The following GGNBP2 variants were observed in gnomAD, a reference collection of about 807,000 sequenced individuals.
The protein encoded by GGNBP2 is gametogenetin-binding protein 2.
In GGNBP2, 10 loss-of-function variants were observed where a neutral mutation model predicts 85.9. That is an observed-to-expected ratio of 0.12 (90% CI 0.07 to 0.20). The LOEUF (loss-of-function observed/expected upper bound fraction) is 0.20. GGNBP2 is among the 10% of genes least tolerant of loss of function. The pLI, the probability that GGNBP2 is intolerant of heterozygous loss-of-function variation, is 1.00. For synonymous variants in GGNBP2, 287 were observed against 285.7 expected (o/e 1.00, Z -0.05); for missense variants, 595 against 857.8 (o/e 0.69, Z 3.83).
chr17:36,582,388 TAAATA>T (rs1210546695), intron 9 of GGNBP2: 9 of 152,168 alleles, frequency 5.9e-5, no homozygotes, highest in Admixed American at 5.9e-4. Flanking sequence ...TCTCTCAAAA[TAAATA>T]AAAACTGTTT....
At chr17:36,572,418 A>G (rs745875487) in intron 6 of GGNBP2, among the ~76,000 whole-genome samples, 6 of 152,156 alleles carry the variant, frequency 3.9e-5, no homozygotes, top group Non-Finnish European at 5.9e-5. Flanking sequence ...AAATAAGGCT[A>G]AGCACAGTGT....
At chr17:36,560,514 T>C (rs2074406973) in intron 4 of GGNBP2, among the ~76,000 whole-genome samples, 1 of 152,144 alleles carries the variant, frequency 6.6e-6, no homozygotes, top group African/African-American at 2.4e-5. Flanking sequence ...GCCTCCCAAA[T>C]AGCCGGGACT....
chr17:36,572,378 G>A (rs1351236738), intron 6 of GGNBP2, among the ~76,000 whole-genome samples: 1 of 151,960 alleles, frequency 6.6e-6, no homozygotes, highest in Admixed American at 6.6e-5. Context: ...CTGTTCCTGC[G>A]CGCGTATGTG....
intron 2 of GGNBP2, among the ~76,000 whole-genome samples, chr17:36,550,655 TAA>T (rs2074300077): frequency 6.6e-6 from 1 of 152,198 alleles, no homozygotes; most frequent in Non-Finnish European, 1.5e-5. Context: ...AACAGATACT[TAA>T]GAGTGAAAGT....
chr17:36,548,650 A>AAAAAAAAAAAAAT, intron 2 of GGNBP2, among the ~76,000 whole-genome samples: 1 of 126,888 alleles, frequency 7.9e-6, no homozygotes, highest in Non-Finnish European at 1.6e-5. Flanking sequence ...AAAAAAAAAA[A>AAAAAAAAAAAAAT]AAGTAGCCTT....
chr17:36,585,462 A>G lies in GGNBP2; in HGVS notation c.1366+12A>G. On this transcript the variant is annotated intron_variant, in intron 10 of 13. Coordinates refer to ENST00000613102, the MANE Select transcript of GGNBP2 (RefSeq NM_024835.5). ...TAAAATAAAGAAAGGTAAGTAAATA[A>G]TTTCTTTTTAAAATGAACTCTTAAC... 2 of 1,557,702 alleles carry G rather than the reference A, an allele frequency of 1.3e-6. No homozygotes were observed. The highest frequency in any genetic ancestry group is 1.8e-6 in the Non-Finnish European group (2 of 1,142,564).
chr17:36,567,963 G>T (rs1305809570), intron 6 of GGNBP2, among the ~76,000 whole-genome samples, 187 bp downstream of exon 6: 1 of 149,776 alleles, frequency 6.7e-6, no homozygotes, highest in East Asian at 2.0e-4. Context: ...GTCTAGCTCT[G>T]TCGCCAGGCT....
intron 8 of GGNBP2, 98 bp downstream of exon 8, chr17:36,579,517 C>A: frequency 9.9e-7 from 1 of 1,013,148 alleles, no homozygotes; most frequent in Non-Finnish European, 1.5e-6. Context: ...GACTGTCCAT[C>A]ACTGATAGAG....
intron 6 of GGNBP2, among the ~76,000 whole-genome samples, chr17:36,573,144 G>A (rs1555607121): frequency 2.0e-5 from 3 of 151,670 alleles, no homozygotes; most frequent in Non-Finnish European, 1.5e-5. Context: ...AGACAGTCTC[G>A]CTCTGTTGCC....
At chr17:36,575,274 T>A in intron 6 of GGNBP2, 2 of 572,976 alleles carry the variant, frequency 3.5e-6, no homozygotes, top group Non-Finnish European at 6.4e-6. Context: ...CCACTGCATT[T>A]CCCCATCCCA....
chr17:36,558,609 C>T (rs1361669970), intron 4 of GGNBP2, among the ~76,000 whole-genome samples: 3 of 151,304 alleles, frequency 2.0e-5, no homozygotes, highest in Non-Finnish European at 4.4e-5. Flanking sequence ...GTGCCCACTA[C>T]CACGCTTGAC....
intron 6 of GGNBP2, among the ~76,000 whole-genome samples, chr17:36,575,530 CT>C (rs1434415325): frequency 6.8e-6 from 1 of 146,554 alleles, no homozygotes; most frequent in Non-Finnish European, 1.5e-5. Flanking sequence ...ATATTTAAAA[CT>C]TTAGTGAAAT....
chr17:36,588,419 G>A (rs1451321282), intron 13 of GGNBP2, among the ~76,000 whole-genome samples: 1 of 151,966 alleles, frequency 6.6e-6, no homozygotes, highest in Non-Finnish European at 1.5e-5. Context: ...CACCATGCCT[G>A]GCTAATTTTG....
intron 6 of GGNBP2, among the ~76,000 whole-genome samples, chr17:36,570,207 G>A (rs766209032): frequency 6.6e-6 from 1 of 151,496 alleles, no homozygotes; most frequent in Non-Finnish European, 1.5e-5. Flanking sequence ...GTAAAACCCC[G>A]TCTCTACAAA....
chr17:36,588,356 C>A (rs576231077), intron 13 of GGNBP2, among the ~76,000 whole-genome samples: 1 of 152,150 alleles, frequency 6.6e-6, no homozygotes, highest in South Asian at 2.1e-4. Context: ...CTCCCAGGTT[C>A]AAGCGATTCT....
chr17:36,556,970 G>T (rs1225635069), intron 3 of GGNBP2, 113 bp from the exon 4 acceptor site: 4 of 1,266,746 alleles, frequency 3.2e-6, no homozygotes, highest in South Asian at 1.3e-5. Flanking sequence ...GGTAGAGCTG[G>T]TAAACCCTGG....
intron 1 of GGNBP2, 54 bp from the exon 2 acceptor site, chr17:36,545,565 C>T (rs1010174808): frequency 2.8e-5 from 17 of 596,956 alleles, no homozygotes; most frequent in Non-Finnish European, 4.2e-5. Context: ...CCCCCCGTGG[C>T]GAATGTGCTG....
At chr17:36,575,680 C>T (rs2074573922) in intron 6 of GGNBP2, among the ~76,000 whole-genome samples, 1 of 109,802 alleles carries the variant, frequency 9.1e-6, no homozygotes, top group Non-Finnish European at 1.7e-5. Context: ...GAGTTTCGCT[C>T]TTCTTATGCA....
At chr17:36,554,509 A>G (rs1440017998) in intron 2 of GGNBP2, among the ~76,000 whole-genome samples, 1 of 151,580 alleles carries the variant, frequency 6.6e-6, no homozygotes, top group African/African-American at 2.4e-5. Context: ...CTAGGATTAC[A>G]GGCATGCGCC....
Sources: gnomAD v4.1 joint callset for allele counts (sites outside exome capture counted in the v4.1 genomes callset) on GRCh38, gnomAD v4.1.1 for gene constraint, MANE v1.5 for transcripts, NCBI Gene and HGNC (gene_info 2026-07-23, HGNC 2026-07-21) for gene names.